UHRF1: variants seen among roughly 807,000 people sequenced by gnomAD.
UHRF1 encodes ubiquitin like with PHD and ring finger domains 1, also known as E3 ubiquitin-protein ligase UHRF1.
UHRF1 carries 9 observed loss-of-function variants against 96.5 expected under a neutral mutation model. The ratio of observed to expected loss-of-function variants is 0.09; its 90% CI spans 0.06 to 0.16. UHRF1 has a LOEUF of 0.16. Among genes scored for constraint, UHRF1 ranks in the 10% least tolerant of loss-of-function variants. UHRF1 has a pLI of 1.00. For missense variants in UHRF1, 626 were observed against 1,131.1 expected, an observed-to-expected ratio of 0.55 and a Z score of 6.40; for synonymous variants, 455 against 469.9, an observed-to-expected ratio of 0.97 and a Z score of 0.41.
chr19:4,943,715 A>G (rs1460222989), intron 7 of UHRF1, among the ~76,000 whole-genome samples: 1 of 151,884 alleles, frequency 6.6e-6, no homozygotes, highest in Non-Finnish European at 1.5e-5. Context: ...CAGTGGTGCA[A>G]CCTCGGCTCA....
In UHRF1 at chr19:4,947,091, C is replaced by G. The variant is rs757693184; in HGVS notation, c.1411-14C>G. 6.3e-7 allele frequency: 1 copy of G among 1,593,660 alleles called. No individual in the cohort carries two copies. Among genetic ancestry groups the G allele is most frequent in the Non-Finnish European group, 8.6e-7 (1 of 1,164,964 alleles). ...CTCTGCAGAGGGTTCACCCAGCCTT[C>G]TTGTCTGTTTCAGGACCATGGGAAT... On this transcript the variant is annotated splice_polypyrimidine_tract_variant and intron_variant, in intron 10 of 16. Transcript: ENST00000650932.
At chr19:4,911,069 G>C (rs774394593) in intron 2 of UHRF1, 31 bp downstream of exon 2, 24 of 1,513,036 alleles carry the variant, frequency 1.6e-5, no homozygotes, top group Non-Finnish European at 2.0e-5. Flanking sequence ...TTTGTTCTAT[G>C]CCTGGTCCAG....
At chr19:4,913,464 A>G (rs1354088088) in intron 2 of UHRF1, among the ~76,000 whole-genome samples, 1 of 152,058 alleles carries the variant, frequency 6.6e-6, no homozygotes. Context: ...CATGTTGGCC[A>G]GGCTGGTCTT....
chr19:4,947,490 C>CATTTTTTTTTTTTT (rs2033601845), intron 11 of UHRF1, among the ~76,000 whole-genome samples: 1 of 57,860 alleles, frequency 1.7e-5, no homozygotes, highest in African/African-American at 6.7e-5. Flanking sequence ...TAATAGATAT[C>CATTTTTTTTTTTTT]TTTTTTTTTT....
intron 2 of UHRF1, among the ~76,000 whole-genome samples, chr19:4,916,461 A>G (rs1377845065): frequency 6.6e-6 from 1 of 152,100 alleles, no homozygotes; most frequent in Non-Finnish European, 1.5e-5. Flanking sequence ...CAAGAGGGAA[A>G]GTGGCAGCGA....
In UHRF1 at chr19:4,954,906, T is replaced by G; in HGVS notation, c.2130+84T>G. The G allele has an allele frequency of 1.9e-6, 3 of 1,545,602 alleles. No homozygotes were observed. The highest frequency in any genetic ancestry group is 2.6e-6 in the Non-Finnish European group (3 of 1,133,498). On this transcript the variant is annotated intron_variant, in intron 15 of 16. Coordinates refer to ENST00000650932, the MANE Select transcript of UHRF1 (RefSeq NM_001048201.3). The surrounding 1 kb of genome is among the most constrained non-coding windows in gnomAD (Gnocchi z 5.9). ...GGGCTTGTTTCCCATGTTCCCCATT[T>G]TCAAGTGTACAGCTCAGTCGCACTG...
intron 8 of UHRF1, 28 bp downstream of exon 8, chr19:4,944,283 T>G: frequency 6.2e-7 from 1 of 1,613,882 alleles, no homozygotes; most frequent in South Asian, 1.1e-5. Flanking sequence ...CACGTGCCCG[T>G]GGCCCCTCCC....
At chr19:4,907,192 C>T (rs1429541653), upstream of UHRF1, among the ~76,000 whole-genome samples, 1 of 152,214 alleles carries the variant, frequency 6.6e-6, no homozygotes, top group Non-Finnish European at 1.5e-5. Context: ...TCACTGCAAC[C>T]TCCGTCTCCT....
intron 2 of UHRF1, among the ~76,000 whole-genome samples, chr19:4,920,740 A>G (rs16992667): frequency 0.085 from 12,999 of 152,174 alleles, 658 homozygotes; most frequent in African/African-American, 0.15. Flanking sequence ...TTTTGAAGTG[A>G]GTTACAGATG....
chr19:4,936,660 G>C (rs943544065), intron 5 of UHRF1, among the ~76,000 whole-genome samples: 3 of 151,978 alleles, frequency 2.0e-5, no homozygotes, highest in Non-Finnish European at 4.4e-5. Flanking sequence ...ATGTAGAGAT[G>C]GCTAGGCGCA....
rs868623508 is a variant in UHRF1 at position 4,930,300 on chromosome 19, G to A, written c.409-416G>A. Among the ~76,000 whole-genome samples the A allele has an allele frequency of 5.9e-5, 9 of 152,218 alleles. No homozygotes were observed. Among genetic ancestry groups the A allele is most frequent in the Middle Eastern group, 6.8e-3 (2 of 294 alleles). On this transcript the variant is annotated intron_variant, in intron 3 of 16. Transcript: ENST00000650932. This position sits in a 1 kb window ranked among gnomAD's most constrained non-coding sequence, Gnocchi z 4.4. ...TGTTTTATTTTTTAGTAGACACAGC[G>A]TCTTACCATGTTGCCCAGGCTAGTC... is the stretch of plus-strand genomic sequence containing the variant.
chr19:4,918,064 T>A (rs1270779242), intron 2 of UHRF1, among the ~76,000 whole-genome samples: 2 of 152,162 alleles, frequency 1.3e-5, no homozygotes, highest in African/African-American at 4.8e-5. Context: ...TGTAGTAACC[T>A]GTCTGCTTCC....
At position 4,927,293 on chromosome 19, in the gene UHRF1, A is replaced by G. The variant is rs577438485; in HGVS notation, c.154-1929A>G. ...CTACTCAGGAGGCTGAGGCACAAGA[A>G]TCGCTTGAACCTGGGAGGTGGAGAT... On this transcript the variant is annotated intron_variant, in intron 2 of 16. Coordinates refer to ENST00000650932, the MANE Select transcript of UHRF1 (RefSeq NM_001048201.3). 1.7e-4 allele frequency among the ~76,000 whole-genome samples: 25 copies of G among 147,520 alleles called. No individual in the cohort carries two copies. The East Asian group carries it at 2.8e-3, about 17-fold the overall frequency.
Position 4,941,514 on chromosome 19 carries a change from C to T in UHRF1, c.786-14C>T. ...CGGCAGGCCAGAATGTTCCAGCGTC[C>T]TCGTTCCTTGCAGGGATGATTCTCT... On this transcript the variant is annotated splice_polypyrimidine_tract_variant and intron_variant, in intron 5 of 16. Coordinates refer to ENST00000650932, the MANE Select transcript of UHRF1 (RefSeq NM_001048201.3). The T allele has an allele frequency of 6.2e-7, 1 of 1,607,962 alleles. No individual in the cohort carries two copies. The highest frequency in any genetic ancestry group is 1.3e-5 in the African/African-American group (1 of 74,912).
chr19:4,912,142 T>A (rs917379553), intron 2 of UHRF1, among the ~76,000 whole-genome samples: 2 of 152,142 alleles, frequency 1.3e-5, no homozygotes, highest in African/African-American at 4.8e-5. Flanking sequence ...GTCTTAAGAA[T>A]CTGAGTTAAC....
intron 7 of UHRF1, among the ~76,000 whole-genome samples, chr19:4,943,246 A>G (rs547369692): frequency 7.3e-5 from 11 of 151,582 alleles, no homozygotes; most frequent in African/African-American, 2.7e-4. Flanking sequence ...CTCAAAAACA[A>G]AAAAAAAGGG....
intron 15 of UHRF1, among the ~76,000 whole-genome samples, chr19:4,955,307 T>G (rs2033828547): frequency 1.3e-5 from 2 of 152,100 alleles, no homozygotes; most frequent in South Asian, 4.1e-4. Flanking sequence ...TTTCTGCCTT[T>G]CCCAAGGTCT....
upstream of UHRF1, among the ~76,000 whole-genome samples, chr19:4,907,632 C>A (rs140092250): frequency 1.8e-4 from 26 of 145,632 alleles, no homozygotes; most frequent in African/African-American, 5.8e-4. Context: ...AGGGGCAGGG[C>A]GGGTTCTAGG....
At chr19:4,943,110 C>T (rs1008853201) in intron 7 of UHRF1, among the ~76,000 whole-genome samples, 4 of 151,884 alleles carry the variant, frequency 2.6e-5, no homozygotes, top group Non-Finnish European at 5.9e-5. Context: ...CGTGGTGCCA[C>T]GCGCCTGTAA....
Sources: gnomAD v4.1 joint callset for allele counts (sites outside exome capture counted in the v4.1 genomes callset) on GRCh38, gnomAD v4.1.1 for gene constraint, Gnocchi (gnomAD v3.1) non-coding constraint, MANE v1.5 for transcripts, NCBI Gene and HGNC (gene_info 2026-07-23, HGNC 2026-07-21) for gene names.